Variants in PATJ observed in about 807,000 individuals in gnomAD.
The protein encoded by PATJ is inaD-like protein.
A neutral mutation model predicts 224.9 loss-of-function variants in PATJ; 190 were observed. The observed-to-expected ratio is 0.84, with a 90% confidence interval of 0.75 to 0.95. PATJ has a LOEUF of 0.95. Ranked by LOEUF, PATJ falls within the 40% of genes least tolerant of loss-of-function variation. The probability of loss-of-function intolerance (pLI) is 0.00; values close to 1 mark genes in which losing one functional copy is unlikely to be tolerated. For synonymous variants in PATJ, 769 were observed against 820.3 expected (o/e 0.94, Z 1.07); for missense variants, 2,121 against 2,270.3 (o/e 0.93, Z 1.34).
At chr1:62,096,401 A>C (rs1661401686) in intron 33 of PATJ, among the ~76,000 whole-genome samples, 1 of 152,194 alleles carries the variant, frequency 6.6e-6, no homozygotes, top group Non-Finnish European at 1.5e-5. Flanking sequence ...AGAAAAATCA[A>C]AATGTCTGGG....
Position 61,942,130 on chromosome 1 carries a change from T to C in PATJ, c.3670+14301T>C, listed in dbSNP as rs1332328804. On this transcript the variant is annotated intron_variant, in intron 27 of 43. Transcript: ENST00000642238. ...AAGGTCAAAGCTGAACTTTGCAGGATTCCTAGTATTTTTTCTTTTATTGAA... is the reference window on the plus strand; with the variant it reads ...AAGGTCAAAGCTGAACTTTGCAGGACTCCTAGTATTTTTTCTTTTATTGAA... 4.6e-5 allele frequency among the ~76,000 whole-genome samples: 7 copies of C among 152,326 alleles called. No individual in the cohort carries two copies. The South Asian group carries it at 6.2e-4, about 14-fold the overall frequency.
chr1:61,779,319 G>A (rs981271628), intron 7 of PATJ, among the ~76,000 whole-genome samples: 3 of 152,208 alleles, frequency 2.0e-5, no homozygotes, highest in Non-Finnish European at 4.4e-5. Context: ...GTAGTCTTGT[G>A]TTTGAGATCT....
chr1:61,908,116 A>G (rs558190994), intron 24 of PATJ, among the ~76,000 whole-genome samples: 1 of 152,194 alleles, frequency 6.6e-6, no homozygotes, highest in African/African-American at 2.4e-5. Context: ...CCTGTTTTGG[A>G]TAATTATATT....
intron 20 of PATJ, among the ~76,000 whole-genome samples, chr1:61,871,487 A>G (rs1457535863): frequency 1.1e-4 from 14 of 132,380 alleles, no homozygotes; most frequent in Non-Finnish European, 1.5e-4. Flanking sequence ...ATATATGTGT[A>G]TATATGTATA....
chr1:61,869,130 G>A lies in PATJ; in HGVS notation c.2835+4497G>A, dbSNP rs542778322. On this transcript the variant is annotated intron_variant, in intron 20 of 43. Transcript: ENST00000642238. Reference sequence around the variant, plus strand: ...TTTTTTTTTTTTTCTTTTTTGAGACGGAGTCTCGCTCTGTCGCCCAGGCTG... The same window carrying A: ...TTTTTTTTTTTTTCTTTTTTGAGACAGAGTCTCGCTCTGTCGCCCAGGCTG... Among the ~76,000 whole-genome samples, 26 of 142,182 alleles carry A rather than the reference G, an allele frequency of 1.8e-4. 2 individuals carry two copies. In the South Asian group the frequency reaches 5.1e-3, roughly 28 times the overall value. The allele number at this position is 142,182 out of a possible 152,430, so 93.3% of individuals were successfully genotyped here.
At chr1:62,088,183 G>T (rs552685720) in intron 33 of PATJ, among the ~76,000 whole-genome samples, 2 of 151,626 alleles carry the variant, frequency 1.3e-5, no homozygotes, top group Admixed American at 1.3e-4. Flanking sequence ...AAGCCACCAC[G>T]CCCAGCCAAT....
Position 62,108,463 on chromosome 1 carries a change from T to C in PATJ, c.4404T>C (p.Tyr1468=), listed in dbSNP as rs373602552. The part of the protein sequence containing the change: ...PLNAIVIHEV[Y]EEGAAARDGR... ...ATGCTATAGTTATCCATGAAGTCTA[T>C]GAAGAAGGGGCAGCAGCCAGAGATG... is the stretch of plus-strand genomic sequence containing the variant. Residue 1468 remains tyrosine (Y), a synonymous_variant, in exon 34 of 44, where the codon TAT becomes TAC. Coordinates refer to ENST00000642238, the MANE Select transcript of PATJ (RefSeq NM_001350145.3). 70 of 1,609,890 alleles carry C rather than the reference T, an allele frequency of 4.3e-5. No individual in the cohort carries two copies. In the African/African-American group the frequency reaches 5.2e-4, roughly 12 times the overall value.
At chr1:62,125,815 G>A (rs539310112) in intron 39 of PATJ, among the ~76,000 whole-genome samples, 58 of 152,090 alleles carry the variant, frequency 3.8e-4, no homozygotes, top group African/African-American at 1.3e-3. Flanking sequence ...TGTTACCCAG[G>A]CTGGAGTGCA....
chr1:62,099,024 C>T (rs2148824891), intron 33 of PATJ, among the ~76,000 whole-genome samples: 1 of 152,230 alleles, frequency 6.6e-6, no homozygotes, highest in Middle Eastern at 3.4e-3. Context: ...GTAGACATCA[C>T]AAATCAGTAA....
At chr1:61,979,326 A>G (rs541730717) in intron 27 of PATJ, among the ~76,000 whole-genome samples, 2 of 152,212 alleles carry the variant, frequency 1.3e-5, no homozygotes, top group South Asian at 4.1e-4. Context: ...TTTCCTTCCC[A>G]TCTTAGGTTA....
rs1669875911 is a variant in PATJ at position 62,162,025 on chromosome 1, C to G, written c.*971C>G. The G allele has an allele frequency of 6.6e-6, 1 of 151,990 alleles. No individual in the cohort carries two copies. The highest frequency in any genetic ancestry group is 2.4e-5 in the African/African-American group (1 of 41,272). 9.4% of individuals were successfully genotyped at this position (151,990 alleles called of 1,614,324 possible). On this transcript the variant is annotated 3_prime_UTR_variant, in exon 44 of 44. Transcript: ENST00000642238. ...TTGGTGATTTTGATGAGTCAATTTA[C>G]AGACTGTAATCTTCTAAAAATTCTG...
At chr1:62,102,865 A>AC (rs1662371284) in intron 33 of PATJ, among the ~76,000 whole-genome samples, 1 of 149,490 alleles carries the variant, frequency 6.7e-6, no homozygotes, top group Non-Finnish European at 1.5e-5. Flanking sequence ...GTCTCAAAAA[A>AC]AAAAAAAAAA....
chr1:62,071,701 C>T (rs1353006127), intron 31 of PATJ, among the ~76,000 whole-genome samples: 2 of 152,064 alleles, frequency 1.3e-5, no homozygotes, highest in Admixed American at 6.6e-5. Context: ...AGGCTGGTCT[C>T]GAACTCCTGA....
At chr1:61,803,542 A>G (rs1279604861) in intron 12 of PATJ, among the ~76,000 whole-genome samples, 1 of 152,228 alleles carries the variant, frequency 6.6e-6, no homozygotes, top group Non-Finnish European at 1.5e-5. Flanking sequence ...GACAATGAAC[A>G]GATGGTTCAC....
chr1:62,097,352 C>T (rs1008693589), intron 33 of PATJ, among the ~76,000 whole-genome samples: 16 of 152,176 alleles, frequency 1.1e-4, no homozygotes, highest in African/African-American at 3.6e-4. Flanking sequence ...TTTTATGCAG[C>T]TCTTTCCAGA....
intron 27 of PATJ, among the ~76,000 whole-genome samples, chr1:61,964,696 A>G (rs1681825471): frequency 6.6e-6 from 1 of 151,914 alleles, no homozygotes; most frequent in Admixed American, 6.6e-5. Flanking sequence ...GGCTGAGGCA[A>G]GAGGTTCACT....
chr1:61,865,816 G>T (rs1053959413), intron 20 of PATJ, among the ~76,000 whole-genome samples: 2 of 152,148 alleles, frequency 1.3e-5, no homozygotes, highest in African/African-American at 2.4e-5. Context: ...TTCCTGTTGT[G>T]ATGTGCAAAG....
chr1:62,054,002 A>T (rs1654110744), intron 31 of PATJ, among the ~76,000 whole-genome samples: 1 of 152,228 alleles, frequency 6.6e-6, no homozygotes, highest in Non-Finnish European at 1.5e-5. Context: ...AGGGGGAAGG[A>T]AGATAGACAG....
At chr1:61,855,625 G>A (rs1409867468) in intron 17 of PATJ, among the ~76,000 whole-genome samples, 2 of 152,128 alleles carry the variant, frequency 1.3e-5, no homozygotes, top group Non-Finnish European at 2.9e-5. Context: ...ATGTTGTCCA[G>A]GCTGGTCTTG....
Sources: allele counts gnomAD v4.1 joint callset (sites outside exome capture counted in the v4.1 genomes callset), GRCh38; gene constraint gnomAD v4.1.1; transcripts MANE v1.5; gene names NCBI Gene and HGNC (gene_info 2026-07-23, HGNC 2026-07-21).